CADPS2: variants seen among roughly 807,000 people sequenced by gnomAD.
CADPS2 encodes the protein calcium-dependent secretion activator 2.
CADPS2 carries 93 observed loss-of-function variants against 172.5 expected under a neutral mutation model. The ratio of observed to expected loss-of-function variants is 0.54; its 90% CI spans 0.46 to 0.64. The LOEUF is 0.64. CADPS2 is among the 30% of genes least tolerant of loss of function. CADPS2 has a pLI of 0.00. For synonymous variants in CADPS2, 546 were observed against 555.2 expected (o/e 0.98, Z 0.23); for missense variants, 1,420 against 1,565.9 (o/e 0.91, Z 1.57).
In CADPS2 at chr7:122,702,823, A is replaced by T. The variant is rs542560338; in HGVS notation, c.453+34132T>A. On this transcript the variant is annotated intron_variant, in intron 2 of 29. Transcript: ENST00000449022. ...TCAGTTGTAGAAGAACATAAAGAAG[A>T]TAGCTTGTTGGCGGCAGATTACTAA... 117 of 1,194,820 alleles carry T rather than the reference A, an allele frequency of 9.8e-5. No individual in the cohort carries two copies. The South Asian group carries it at 1.4e-3, about 14-fold the overall frequency. The allele number at this position is 1,194,820 out of a possible 1,614,324, so 74.0% of individuals were successfully genotyped here.
intron 1 of CADPS2, among the ~76,000 whole-genome samples, chr7:122,751,725 C>T (rs993365834): frequency 5.9e-5 from 9 of 152,182 alleles, no homozygotes; most frequent in African/African-American, 2.2e-4. Flanking sequence ...ATCCCACACA[C>T]TGCCACATGC....
intron 1 of CADPS2, among the ~76,000 whole-genome samples, chr7:122,840,281 G>C (rs565135848): frequency 6.6e-6 from 1 of 152,212 alleles, no homozygotes; most frequent in South Asian, 2.1e-4. Context: ...GCCTGTTGTG[G>C]GGTGGGGGGA....
At chr7:122,454,924 G>A (rs1478243987) in intron 14 of CADPS2, among the ~76,000 whole-genome samples, 1 of 152,016 alleles carries the variant, frequency 6.6e-6, no homozygotes, top group Non-Finnish European at 1.5e-5. Context: ...CAGCCTCTTG[G>A]TCTTTCTCCT....
chr7:122,362,885 T>C (rs917723860), intron 25 of CADPS2, among the ~76,000 whole-genome samples: 2 of 152,204 alleles, frequency 1.3e-5, no homozygotes, highest in African/African-American at 4.8e-5. Context: ...AAAACTTCCC[T>C]ATAGGTTTCT....
intron 1 of CADPS2, among the ~76,000 whole-genome samples, chr7:122,777,597 G>T (rs1269943207): frequency 1.3e-5 from 2 of 152,100 alleles, no homozygotes; most frequent in Admixed American, 6.5e-5. Context: ...GAACTGGTGG[G>T]AGGTAAGTGA....
At chr7:122,488,460 T>A (rs777581829) in intron 11 of CADPS2, among the ~76,000 whole-genome samples, 6 of 152,186 alleles carry the variant, frequency 3.9e-5, no homozygotes, top group Non-Finnish European at 8.8e-5. Context: ...GTGGCAAGAA[T>A]CTGATGAAAA....
In CADPS2 at chr7:122,491,423, G is replaced by C. The variant is rs765554126; in HGVS notation, c.1543-3C>G. ...ATAGCAAAGGTATATTGGCTAACCT[G>C]CTCGAGAAAAAAAAAGTTTACAGAT... On this transcript the variant is annotated splice_region_variant and splice_polypyrimidine_tract_variant and intron_variant, in intron 9 of 29. Transcript: ENST00000449022. 1.2e-5 allele frequency: 19 copies of C among 1,548,824 alleles called. No homozygotes were observed. Among genetic ancestry groups the C allele is most frequent in the South Asian group, 1.2e-5 (1 of 81,324 alleles).
chr7:122,345,457 A>G, intron 28 of CADPS2, 117 bp downstream of exon 28: 1 of 634,758 alleles, frequency 1.6e-6, no homozygotes, highest in South Asian at 2.0e-5. Flanking sequence ...TTTTTAGTAT[A>G]GAAGATACAG....
intron 1 of CADPS2, among the ~76,000 whole-genome samples, chr7:122,785,720 C>T (rs1231930050): frequency 6.6e-6 from 1 of 152,104 alleles, no homozygotes; most frequent in Non-Finnish European, 1.5e-5. Context: ...TCCCTACCCC[C>T]AGGAATCTTC....
At chr7:122,380,382 G>T (rs1289369438) in intron 24 of CADPS2, among the ~76,000 whole-genome samples, 1 of 152,064 alleles carries the variant, frequency 6.6e-6, no homozygotes, top group African/African-American at 2.4e-5. Flanking sequence ...AATGCATAGA[G>T]TAAAAGTACT....
chr7:122,472,351 A>G (rs1415639102), intron 13 of CADPS2, among the ~76,000 whole-genome samples: 2 of 152,154 alleles, frequency 1.3e-5, no homozygotes, highest in Non-Finnish European at 2.9e-5. Context: ...CAATAAAGGA[A>G]AGGAGGAAGA....
intron 28 of CADPS2, among the ~76,000 whole-genome samples, chr7:122,338,730 T>C (rs1355182560): frequency 1.3e-5 from 2 of 152,168 alleles, no homozygotes; most frequent in Non-Finnish European, 2.9e-5. Context: ...GGAAAACTGC[T>C]ATTTTAAAAC....
intron 1 of CADPS2, among the ~76,000 whole-genome samples, chr7:122,834,435 G>T (rs1008952222): frequency 6.6e-6 from 1 of 152,046 alleles, no homozygotes; most frequent in Non-Finnish European, 1.5e-5. Context: ...TCAAACAGTG[G>T]GTGCAGGACA....
chr7:122,590,557 A>G (rs574703452), intron 6 of CADPS2, among the ~76,000 whole-genome samples: 1 of 152,026 alleles, frequency 6.6e-6, no homozygotes, highest in Admixed American at 6.6e-5. Context: ...AGTCTTAACC[A>G]TTACAGGCAG....
intron 1 of CADPS2, among the ~76,000 whole-genome samples, chr7:122,854,727 A>G (rs1488348130): frequency 6.6e-6 from 1 of 152,236 alleles, no homozygotes; most frequent in East Asian, 1.9e-4. Context: ...AAAAGCTTCC[A>G]TACAAAAACA....
At chr7:122,390,202 T>A (rs1172381892) in intron 22 of CADPS2, among the ~76,000 whole-genome samples, 4 of 152,044 alleles carry the variant, frequency 2.6e-5, no homozygotes, top group Admixed American at 1.3e-4. Context: ...CTCTTCACCG[T>A]AATATTCAGT....
chr7:122,371,447 T>G (rs1345588776), intron 25 of CADPS2, among the ~76,000 whole-genome samples: 8 of 152,070 alleles, frequency 5.3e-5, no homozygotes, highest in African/African-American at 1.9e-4. Context: ...GCCAGATGCT[T>G]ATAAAACCAT....
intron 7 of CADPS2, among the ~76,000 whole-genome samples, chr7:122,573,851 T>A (rs1426987095): frequency 6.6e-6 from 1 of 152,148 alleles, no homozygotes; most frequent in Admixed American, 6.6e-5. Context: ...TAATATTTGA[T>A]TTCTGAAAAA....
In CADPS2 at chr7:122,645,681, A is replaced by ATATATATCTCTCTC. The variant is rs796988558; in HGVS notation, c.787-16354_787-16353insGAGAGAGATATATA. Among the ~76,000 whole-genome samples the ATATATATCTCTCTC allele has an allele frequency of 2.1e-4, 25 of 116,834 alleles. No individual in the cohort carries two copies. The East Asian group carries it at 5.2e-3, about 24-fold the overall frequency. 76.6% of individuals were successfully genotyped at this position (116,834 alleles called of 152,430 possible). A position where few individuals can be genotyped will look rare whatever the true frequency, so the allele number is the denominator to read the frequency against. ...AAGATATATATATATATATATATAT[A>ATATATATCTCTCTC]TCTTGGGATTTTGCTCTTAGTTAGA... On this transcript the variant is annotated intron_variant, in intron 3 of 29. Coordinates refer to ENST00000449022, the MANE Select transcript of CADPS2 (RefSeq NM_017954.11).
Sources: allele counts gnomAD v4.1 joint callset (sites outside exome capture counted in the v4.1 genomes callset), GRCh38; gene constraint gnomAD v4.1.1; transcripts MANE v1.5; gene names NCBI Gene and HGNC (gene_info 2026-07-23, HGNC 2026-07-21).